The following MEIOB variants were observed in gnomAD, a reference collection of about 807,000 sequenced individuals.
The protein encoded by MEIOB is meiosis specific with OB-fold, also known as meiosis-specific with OB domain-containing protein.
Under a neutral mutation model 53.1 loss-of-function variants are expected in MEIOB, and 50 were observed. The ratio of observed to expected loss-of-function variants is 0.94; its 90% confidence interval spans 0.75 to 1.19. MEIOB has a LOEUF of 1.19. MEIOB is among the 50% of genes most tolerant of loss of function. The pLI is 0.00. For missense variants in MEIOB, 551 were observed against 550.8 expected, an observed-to-expected ratio of 1.00 and a Z score of 0.00; for synonymous variants, 192 against 182.5, an observed-to-expected ratio of 1.05 and a Z score of -0.42.
chr16:1,837,572 T>C (rs1212618518), intron 13 of MEIOB: 3 of 363,426 alleles, frequency 8.3e-6, no homozygotes, highest in Non-Finnish European at 1.5e-5. Context: ...TTTGTTGGTC[T>C]ATTTTCTTTG....
intron 4 of MEIOB, among the ~76,000 whole-genome samples, chr16:1,860,791 T>C (rs1270229075): frequency 6.6e-6 from 1 of 152,148 alleles, no homozygotes; most frequent in Non-Finnish European, 1.5e-5. Flanking sequence ...ATTATTCAAC[T>C]AGAGAGATAC....
intron 9 of MEIOB, among the ~76,000 whole-genome samples, chr16:1,850,021 T>C (rs527891405): frequency 1.3e-5 from 2 of 152,236 alleles, no homozygotes; most frequent in Non-Finnish European, 2.9e-5. Context: ...AAAATGTGTC[T>C]CCTTGAGAAA....
chr16:1,863,840 A>T (rs1719797435), intron 3 of MEIOB, among the ~76,000 whole-genome samples: 1 of 152,198 alleles, frequency 6.6e-6, no homozygotes, highest in South Asian at 2.1e-4. Context: ...CCAAAATAGA[A>T]ATTTCATATT....
Position 1,833,986 on chromosome 16 carries a change from T to C in MEIOB, c.*270A>G, listed in dbSNP as rs1898672502. The C allele has an allele frequency of 3.4e-6, 1 of 296,604 alleles. No homozygotes were observed. The highest frequency in any genetic ancestry group is 2.2e-5 in the African/African-American group (1 of 45,836). 18.4% of individuals were successfully genotyped at this position (296,604 alleles called of 1,614,324 possible). On this transcript the variant is annotated 3_prime_UTR_variant, in exon 14 of 14. Transcript: ENST00000325962. ...AAAGAAAATAAATCATTCAAATCTGTAGAAGATTAAATCTGTTTATTAATT... is the reference window on the plus strand; with the variant it reads ...AAAGAAAATAAATCATTCAAATCTGCAGAAGATTAAATCTGTTTATTAATT...
intron 6 of MEIOB, among the ~76,000 whole-genome samples, chr16:1,855,239 C>T (rs1899271153): frequency 6.6e-6 from 1 of 152,098 alleles, no homozygotes; most frequent in South Asian, 2.1e-4. Flanking sequence ...CAAGACTAGC[C>T]TGGCCAATAT....
intron 6 of MEIOB, among the ~76,000 whole-genome samples, 193 bp from the exon 7 acceptor site, chr16:1,854,393 G>A (rs571170298): frequency 1.3e-5 from 2 of 152,356 alleles, no homozygotes; most frequent in African/African-American, 4.8e-5. Context: ...GAAGTTGTAA[G>A]TCACACAACA....
At chr16:1,848,884 A>G (rs555915205) in intron 9 of MEIOB, among the ~76,000 whole-genome samples, 114 of 152,244 alleles carry the variant, frequency 7.5e-4, no homozygotes, top group South Asian at 2.7e-3. Context: ...CCTAGGCTTC[A>G]TGGATTTCGG....
Position 1,839,672 on chromosome 16 carries a change from TC to T in MEIOB, c.1035-235del. 3 of 437,140 alleles carry T rather than the reference TC, an allele frequency of 6.9e-6. No individual in the cohort carries two copies. In the South Asian group the frequency reaches 9.8e-5, roughly 14 times the overall value. The allele number at this position is 437,140 out of a possible 1,614,324, so 27.1% of individuals were successfully genotyped here. A position where few individuals can be genotyped will look rare whatever the true frequency, so the allele number is the denominator to read the frequency against. On this transcript the variant is annotated intron_variant, in intron 11 of 13. Coordinates refer to ENST00000325962, the MANE Select transcript of MEIOB (RefSeq NM_001163560.3). ...ACACCAGTCCTCTGCCTGCCCTCCT[TC>T]CCTCCCTCTGCCAAGCCCTCGAGGT...
intron 4 of MEIOB, among the ~76,000 whole-genome samples, chr16:1,860,887 C>A (rs1240865966): frequency 1.3e-5 from 2 of 152,012 alleles, no homozygotes; most frequent in African/African-American, 2.4e-5. Context: ...TGCTTGAGAC[C>A]ACAGTATTAA....
At chr16:1,865,710 A>G (rs1486198311) in intron 3 of MEIOB, 68 bp downstream of exon 3, 4 of 1,141,412 alleles carry the variant, frequency 3.5e-6, no homozygotes, top group African/African-American at 3.1e-5. Context: ...AATCACTTCA[A>G]TATACTTTGT....
chr16:1,862,163 C>A (rs757892414), intron 3 of MEIOB, 47 bp from the exon 4 acceptor site: 10 of 1,468,880 alleles, frequency 6.8e-6, no homozygotes, highest in South Asian at 1.3e-5. Flanking sequence ...GAGTTTCAAT[C>A]GCTTCTCTGC....
intron 5 of MEIOB, 69 bp downstream of exon 5, chr16:1,860,334 T>C (rs1899411013): frequency 3.5e-6 from 3 of 857,792 alleles, no homozygotes; most frequent in Non-Finnish European, 5.6e-6. Context: ...GTAAGATCTC[T>C]GCTAATCTGA....
rs1898917294 is a variant in MEIOB, at chr16:1,841,770, T to TA, written c.1034+49dup. The TA allele has an allele frequency of 2.2e-6, 3 of 1,353,028 alleles. No homozygotes were observed. In the East Asian group the frequency reaches 7.5e-5, roughly 34 times the overall value. The allele number at this position is 1,353,028 out of a possible 1,614,324, so 83.8% of individuals were successfully genotyped here. ...TAGAGAGCTTAAAATTTATTAACAA[T>TA]AATTATTTCTTACAAAAATGAATTT... On this transcript the variant is annotated intron_variant, in intron 11 of 13. Transcript: ENST00000325962.
intron 11 of MEIOB, among the ~76,000 whole-genome samples, chr16:1,840,596 T>C (rs1364672366): frequency 1.3e-5 from 2 of 151,368 alleles, no homozygotes; most frequent in Admixed American, 1.3e-4. Flanking sequence ...CAGGATGGAG[T>C]GCAGTGCAGT....
At chr16:1,862,191 A>G (rs1156374019) in intron 3 of MEIOB, 75 bp from the exon 4 acceptor site, 6 of 1,219,292 alleles carry the variant, frequency 4.9e-6, no homozygotes, top group Non-Finnish European at 5.7e-6. Context: ...TAAGTGTTAC[A>G]TGAAAAGTTT....
At position 1,853,129 on chromosome 16, in the gene MEIOB, A is replaced by G. The variant is rs1480169670; in HGVS notation, c.688T>C (p.Phe230Leu). Residue 230 changes from phenylalanine to leucine, a missense_variant, in exon 9 of 14, where the codon TTT becomes CTT. By Grantham distance (22) the Phe-to-Leu change is conservative. Coordinates refer to ENST00000325962, the MANE Select transcript of MEIOB (RefSeq NM_001163560.3). ...AAATTTATTCTTACATCTGAGGCAA[A>G]TATTACTGTTTGGGAAAAAAGCCAT... ...QSWMPRETVI[F>L]ASDVRINFDK... 4 of 1,610,482 alleles carry G rather than the reference A, an allele frequency of 2.5e-6. No homozygotes were observed. The highest frequency in any genetic ancestry group is 3.4e-6 in the Non-Finnish European group (4 of 1,177,380).
chr16:1,870,267 C>T (rs975655213), intron 1 of MEIOB, among the ~76,000 whole-genome samples: 6 of 152,226 alleles, frequency 3.9e-5, no homozygotes, highest in Non-Finnish European at 8.8e-5. Flanking sequence ...TATTTCATAA[C>T]TGAAAACCAT....
chr16:1,861,805 G>T (rs1320103177), intron 4 of MEIOB, among the ~76,000 whole-genome samples, 180 bp downstream of exon 4: 1 of 151,994 alleles, frequency 6.6e-6, no homozygotes, highest in Non-Finnish European at 1.5e-5. Context: ...AAAGTGTTGG[G>T]ATTACAGGCA....
At chr16:1,856,515 T>C (rs1172360292) in intron 6 of MEIOB, among the ~76,000 whole-genome samples, 3 of 152,010 alleles carry the variant, frequency 2.0e-5, no homozygotes, top group Admixed American at 2.0e-4. Flanking sequence ...GAGACGGGGT[T>C]TCACCGTGTT....
Sources: allele counts gnomAD v4.1 joint callset (sites outside exome capture counted in the v4.1 genomes callset), GRCh38; gene constraint gnomAD v4.1.1; transcripts MANE v1.5; gene names NCBI Gene and HGNC (gene_info 2026-07-23, HGNC 2026-07-21).